Variants in PCYT1B observed in about 807,000 individuals in gnomAD.
PCYT1B encodes choline-phosphate cytidylyltransferase B.
In PCYT1B, 10 loss-of-function variants were observed where a neutral mutation model predicts 26.4. The ratio of observed to expected loss-of-function variants is 0.38; its 90% CI spans 0.23 to 0.64. The LOEUF (loss-of-function observed/expected upper bound fraction) is 0.64. PCYT1B is among the 30% of genes least tolerant of loss of function. The pLI is 0.56. For missense variants in PCYT1B, 161 were observed against 292.7 expected, an observed-to-expected ratio of 0.55 and a Z score of 3.28; for synonymous variants, 131 against 108.4, an observed-to-expected ratio of 1.21 and a Z score of -1.29.
intron 2 of PCYT1B, among the ~76,000 whole-genome samples, chrX:24,611,660 T>C (rs973882143): frequency 1.6e-4 from 18 of 111,135 alleles, no homozygotes; most frequent in African/African-American, 5.6e-4. Flanking sequence ...ATTATTCCCA[T>C]GATTATGTTA....
At chrX:24,569,905 C>T (rs971101283) in intron 7 of PCYT1B, among the ~76,000 whole-genome samples, 8 of 111,743 alleles carry the variant, frequency 7.2e-5, no homozygotes, top group Non-Finnish European at 1.3e-4. Context: ...TAAAATGGGC[C>T]GGGCACAGTG....
intron 1 of PCYT1B, among the ~76,000 whole-genome samples, chrX:24,643,567 T>G (rs1016652124): frequency 8.9e-6 from 1 of 112,147 alleles, no homozygotes; most frequent in Admixed American, 9.5e-5. Flanking sequence ...CTTTTCTAAT[T>G]TCTTTATCAG....
chrX:24,606,915 A>C (rs1297863215), intron 3 of PCYT1B, among the ~76,000 whole-genome samples: 1 of 111,874 alleles, frequency 8.9e-6, no homozygotes, highest in Non-Finnish European at 1.9e-5. Flanking sequence ...GAAGGTAACA[A>C]AATTCTTTAA....
intron 2 of PCYT1B, among the ~76,000 whole-genome samples, chrX:24,611,108 T>C (rs781300912): frequency 2.7e-5 from 3 of 111,557 alleles, no homozygotes; most frequent in Non-Finnish European, 5.6e-5. Context: ...CACAGAATTC[T>C]AGGAAGTCTG....
chrX:24,589,408 G>C (rs1248952562), intron 4 of PCYT1B, among the ~76,000 whole-genome samples: 4 of 111,995 alleles, frequency 3.6e-5, no homozygotes, highest in African/African-American at 1.3e-4. Context: ...CAGATCAAAA[G>C]AATCTCTCAT....
At chrX:24,584,155 G>A (rs761228622) in intron 5 of PCYT1B, among the ~76,000 whole-genome samples, 1 of 110,043 alleles carries the variant, frequency 9.1e-6, no homozygotes, top group Non-Finnish European at 1.9e-5. Flanking sequence ...GGCAACATAG[G>A]GAAACTCTAC....
intron 1 of PCYT1B, among the ~76,000 whole-genome samples, chrX:24,636,500 C>A (rs755729436): frequency 8.9e-6 from 1 of 112,076 alleles, no homozygotes; most frequent in South Asian, 3.7e-4. Context: ...GTAATCCCAG[C>A]TACTCAAGAG....
chrX:24,630,892 C>G (rs1436409926), intron 1 of PCYT1B, among the ~76,000 whole-genome samples: 1 of 111,546 alleles, frequency 9.0e-6, no homozygotes, highest in African/African-American at 3.3e-5. Context: ...TCAACAACAG[C>G]CCCCTAGTAC....
At chrX:24,632,339 A>C (rs888397882) in intron 1 of PCYT1B, 2 of 142,634 alleles carry the variant, frequency 1.4e-5, no homozygotes, top group Non-Finnish European at 2.9e-5. Context: ...AATCACAAGC[A>C]TAGCCACAAG....
intron 7 of PCYT1B, among the ~76,000 whole-genome samples, chrX:24,569,096 C>T (rs1923733382): frequency 9.0e-6 from 1 of 110,902 alleles, no homozygotes; most frequent in Non-Finnish European, 1.9e-5. Context: ...AAGACTCTGT[C>T]TTAAAAACAA....
At chrX:24,634,499 G>C (rs1208185771) in intron 1 of PCYT1B, among the ~76,000 whole-genome samples, 2 of 111,664 alleles carry the variant, frequency 1.8e-5, no homozygotes, top group Non-Finnish European at 3.8e-5. Flanking sequence ...TATAATCCCA[G>C]CACTTTGAGA....
rs1163489596 is a variant in PCYT1B at position 24,580,956 on chromosome X, TTCTC to T, written c.566-1502_566-1499del. On this transcript the variant is annotated intron_variant, in intron 5 of 7. Transcript: ENST00000379144. ...CCTGGGACTCATCTGTGCCATTTCT[TTCTC>T]TCTCACTTCCCACATCCAACCAAGT... 5.4e-5 allele frequency among the ~76,000 whole-genome samples: 6 copies of T among 111,603 alleles called. No individual in the cohort carries two copies. The East Asian group carries it at 1.7e-3, about 32-fold the overall frequency.
chrX:24,655,921 A>T (rs1310528127), intron 1 of PCYT1B, among the ~76,000 whole-genome samples: 1 of 104,882 alleles, frequency 9.5e-6, no homozygotes, highest in African/African-American at 3.5e-5. Flanking sequence ...AGTTCCAGAC[A>T]AGCCTGGCCA....
intron 1 of PCYT1B, among the ~76,000 whole-genome samples, chrX:24,631,992 T>C (rs1926111601): frequency 9.0e-6 from 1 of 110,911 alleles, no homozygotes; most frequent in Non-Finnish European, 1.9e-5. Flanking sequence ...TGCCCTGCGA[T>C]GGGATGGTGT....
chrX:24,654,957 C>T (rs2080468207), intron 1 of PCYT1B, among the ~76,000 whole-genome samples: 1 of 110,451 alleles, frequency 9.1e-6, no homozygotes, highest in African/African-American at 3.3e-5. Flanking sequence ...CCTAATAGTA[C>T]AGGAAAATAC....
chrX:24,603,639 C>T (rs1449695071), intron 3 of PCYT1B, among the ~76,000 whole-genome samples: 1 of 110,060 alleles, frequency 9.1e-6, no homozygotes, highest in Non-Finnish European at 1.9e-5. Flanking sequence ...GGGAGGATCA[C>T]TTGAGCCCGG....
Position 24,562,137 on chromosome X carries a change from G to C in PCYT1B, c.*156C>G. 7 of 1,210,358 alleles carry C rather than the reference G, an allele frequency of 5.8e-6. No individual in the cohort carries two copies. Among genetic ancestry groups the C allele is most frequent in the Non-Finnish European group, 6.7e-6 (6 of 894,699 alleles). The stretch of plus-strand genomic sequence containing the variant: ...CTTCAGCTGTACGGAGAGTGAGAGA[G>C]AACTGGTCCCAAGACCTTCCCTTAG... On this transcript the variant is annotated 3_prime_UTR_variant, in exon 8 of 8. Coordinates refer to ENST00000379144, the MANE Select transcript of PCYT1B (RefSeq NM_004845.5).
At chrX:24,600,337 T>C (rs1241198637) in intron 3 of PCYT1B, among the ~76,000 whole-genome samples, 2 of 111,653 alleles carry the variant, frequency 1.8e-5, no homozygotes, top group Admixed American at 1.9e-4. Flanking sequence ...CAGGTCTTCT[T>C]AGATCCATCA....
At chrX:24,636,516 G>A (rs958193256) in intron 1 of PCYT1B, among the ~76,000 whole-genome samples, 4 of 112,164 alleles carry the variant, frequency 3.6e-5, no homozygotes, top group African/African-American at 1.3e-4. Flanking sequence ...AAGAGGCTGA[G>A]GCAGAAGAAC....
Sources: gnomAD v4.1 joint callset for allele counts (sites outside exome capture counted in the v4.1 genomes callset) on GRCh38, gnomAD v4.1.1 for gene constraint, MANE v1.5 for transcripts, NCBI Gene and HGNC (gene_info 2026-07-23, HGNC 2026-07-21) for gene names.